Variants in MYO16 observed in about 807,000 individuals in gnomAD.
The protein encoded by MYO16 is myosin XVI, also known as unconventional myosin-XVI.
In MYO16, 94 loss-of-function variants were observed where a neutral mutation model predicts 205.3. That is an observed-to-expected ratio of 0.46 (90% CI 0.39 to 0.54). The LOEUF is 0.54. Among genes scored for constraint, MYO16 ranks in the 20% least tolerant of loss-of-function variants. MYO16 has a pLI of 0.00. For missense variants in MYO16, 2,315 were observed against 2,387.5 expected (o/e 0.97, Z 0.63); for synonymous variants, 988 against 954.0 (o/e 1.04, Z -0.66).
At chr13:109,142,490 A>G (rs1877145732) in intron 32 of MYO16, among the ~76,000 whole-genome samples, 1 of 152,008 alleles carries the variant, frequency 6.6e-6, no homozygotes, top group African/African-American at 2.4e-5. Flanking sequence ...GGAAAATCAT[A>G]ATTTTCCATG....
At chr13:108,992,110 C>A (rs9514952) in intron 20 of MYO16, among the ~76,000 whole-genome samples, 1 of 151,954 alleles carries the variant, frequency 6.6e-6, no homozygotes, top group Non-Finnish European at 1.5e-5. Flanking sequence ...TATCCAGCAT[C>A]TATAAGGAAC....
intron 2 of MYO16, among the ~76,000 whole-genome samples, chr13:108,673,463 T>C (rs1014172842): frequency 1.3e-5 from 2 of 152,114 alleles, no homozygotes; most frequent in African/African-American, 4.8e-5. Context: ...AAAGAACTTG[T>C]AAGCATATTT....
At chr13:108,982,528 G>C (rs116143010) in intron 20 of MYO16, among the ~76,000 whole-genome samples, 1,941 of 152,250 alleles carry the variant, frequency 0.013, 27 homozygotes, top group African/African-American at 0.044. Flanking sequence ...CTTAGCTACT[G>C]GGTTGAAATG....
intron 27 of MYO16, among the ~76,000 whole-genome samples, chr13:109,062,075 A>T (rs1887610646): frequency 6.7e-6 from 1 of 150,352 alleles, no homozygotes; most frequent in East Asian, 1.9e-4. Flanking sequence ...AAGAGAGTGG[A>T]GGGAGAAAGA....
intron 27 of MYO16, among the ~76,000 whole-genome samples, chr13:109,072,164 C>A (rs1199551541): frequency 1.3e-5 from 2 of 152,152 alleles, no homozygotes; most frequent in African/African-American, 4.8e-5. Flanking sequence ...ATCAGCTTCA[C>A]AATCCAGGTT....
chr13:108,790,210 A>G (rs982231943), intron 5 of MYO16, among the ~76,000 whole-genome samples: 28 of 152,230 alleles, frequency 1.8e-4, no homozygotes, highest in African/African-American at 6.8e-4. Context: ...ATATCATCAG[A>G]GAAAAGGAAA....
At chr13:108,987,487 A>G (rs1884683076) in intron 20 of MYO16, among the ~76,000 whole-genome samples, 1 of 152,216 alleles carries the variant, frequency 6.6e-6, no homozygotes, top group Non-Finnish European at 1.5e-5. Flanking sequence ...CCAATTAAGG[A>G]AAGCAAAACT....
At chr13:109,144,160 G>A (rs888464090) in intron 32 of MYO16, among the ~76,000 whole-genome samples, 2 of 151,674 alleles carry the variant, frequency 1.3e-5, no homozygotes, top group African/African-American at 2.4e-5. Flanking sequence ...AATTACAAGC[G>A]CCCACTACCA....
chr13:108,638,349 AG>A (rs67701977), intron 1 of MYO16, among the ~76,000 whole-genome samples: 3,928 of 152,252 alleles, frequency 0.026, 165 homozygotes, highest in African/African-American at 0.082. Flanking sequence ...TTTATTTCGG[AG>A]TTACTTACTC....
the MYO16 span, among the ~76,000 whole-genome samples, chr13:108,540,360 T>C: frequency 1.3e-5 from 2 of 152,264 alleles, no homozygotes; most frequent in African/African-American, 4.8e-5. Flanking sequence ...ACAGTGGCTC[T>C]TGTGTCAAAT....
At chr13:109,014,206 C>A (rs1272818493) in intron 22 of MYO16, among the ~76,000 whole-genome samples, 1 of 152,164 alleles carries the variant, frequency 6.6e-6, no homozygotes, top group East Asian at 1.9e-4. Flanking sequence ...TTTCCCAGCA[C>A]CATTTATTAA....
chr13:108,525,120 C>A, the MYO16 span, among the ~76,000 whole-genome samples: 1 of 152,232 alleles, frequency 6.6e-6, no homozygotes, highest in South Asian at 2.1e-4. Context: ...TGGTTCCCAG[C>A]GAGAACGACC....
chr13:108,990,545 C>A (rs1317367211), intron 20 of MYO16, among the ~76,000 whole-genome samples: 1 of 152,030 alleles, frequency 6.6e-6, no homozygotes, highest in Admixed American at 6.6e-5. Context: ...TTTTCTTATA[C>A]CATTTTAATT....
At chr13:109,188,453 T>G (rs1879775140) in intron 34 of MYO16, among the ~76,000 whole-genome samples, 1 of 152,204 alleles carries the variant, frequency 6.6e-6, no homozygotes, top group African/African-American at 2.4e-5. Flanking sequence ...TTATCCAATC[T>G]GACAACCTTT....
At chr13:108,751,848 A>G (rs544465408) in intron 4 of MYO16, among the ~76,000 whole-genome samples, 1 of 152,240 alleles carries the variant, frequency 6.6e-6, no homozygotes, top group East Asian at 1.9e-4. Flanking sequence ...CAAAACTGTC[A>G]ATGTCATAAA....
chr13:108,793,590 T>C lies in MYO16; in HGVS notation c.691T>C (p.Leu231=). ...TATGTTAACAGATGTCAAACACTTC[T>C]TATCATCTGGAGGAAATGTCAATGA... ...MSMLTDVKHF[L]SSGGNVNEKN... The change falls in exon 6 of 35, where the codon TTA becomes CTA. Residue 231 remains leucine, a synonymous_variant. Coordinates refer to ENST00000457511, the MANE Select transcript of MYO16 (RefSeq NM_001198950.3). The C allele has an allele frequency of 6.2e-7, 1 of 1,613,912 alleles. No homozygotes were observed. The highest frequency in any genetic ancestry group is 8.5e-7 in the Non-Finnish European group (1 of 1,179,830).
At chr13:108,790,990 ATAACT>A (rs1886599744) in intron 5 of MYO16, among the ~76,000 whole-genome samples, 4 of 152,368 alleles carry the variant, frequency 2.6e-5, no homozygotes, top group African/African-American at 9.6e-5. Flanking sequence ...AGTTAACAAA[ATAACT>A]TAAGAGTGAC....
At chr13:108,575,726 C>T in the MYO16 span, among the ~76,000 whole-genome samples, 1 of 152,136 alleles carries the variant, frequency 6.6e-6, no homozygotes, top group African/African-American at 2.4e-5. Context: ...CCCTGCCCGC[C>T]CGCGTATACA....
At chr13:108,680,403 T>G (rs1310605218) in intron 2 of MYO16, among the ~76,000 whole-genome samples, 4 of 152,274 alleles carry the variant, frequency 2.6e-5, no homozygotes, top group Non-Finnish European at 5.9e-5. Flanking sequence ...CCATTCATCT[T>G]ATTGAATGTC....
Sources: allele counts gnomAD v4.1 joint callset (sites outside exome capture counted in the v4.1 genomes callset), GRCh38; gene constraint gnomAD v4.1.1; transcripts MANE v1.5; gene names NCBI Gene and HGNC (gene_info 2026-07-23, HGNC 2026-07-21).